Variants in ERBB4 observed in about 807,000 individuals in gnomAD.
ERBB4 encodes the protein receptor tyrosine-protein kinase erbB-4.
ERBB4 carries 42 observed loss-of-function variants against 158.0 expected under a neutral mutation model. The ratio of observed to expected loss-of-function variants is 0.27; its 90% CI spans 0.21 to 0.34. The LOEUF is 0.34. Ranked by LOEUF, ERBB4 falls within the 10% of genes least tolerant of loss-of-function variation. ERBB4 has a pLI of 1.00. For synonymous variants in ERBB4, 583 were observed against 558.7 expected (o/e 1.04, Z -0.61); for missense variants, 1,333 against 1,624.1 (o/e 0.82, Z 3.08).
chr2:212,225,248 T>C (rs1331147157), intron 1 of ERBB4, among the ~76,000 whole-genome samples: 2 of 152,076 alleles, frequency 1.3e-5, no homozygotes, highest in Non-Finnish European at 2.9e-5. Flanking sequence ...AAGTGAAAAA[T>C]TTAACTAACA....
intron 19 of ERBB4, among the ~76,000 whole-genome samples, chr2:211,582,697 C>T (rs1553577190): frequency 6.6e-6 from 1 of 152,020 alleles, no homozygotes; most frequent in Non-Finnish European, 1.5e-5. Flanking sequence ...GTATGAAAAA[C>T]CCACTCATAA....
rs112458191 is a variant in ERBB4 at position 212,329,258 on chromosome 2, T to C, written c.83-204355A>G. 5.3e-5 allele frequency among the ~76,000 whole-genome samples: 8 copies of C among 152,036 alleles called. 1 individual carries two copies. Among genetic ancestry groups the C allele is most frequent in the African/African-American group, 1.9e-4 (8 of 41,516 alleles). On this transcript the variant is annotated intron_variant, in intron 1 of 27. Coordinates refer to ENST00000342788, the MANE Select transcript of ERBB4 (RefSeq NM_005235.3). The stretch of plus-strand genomic sequence containing the variant: ...AGAGGAAGAAAAAAAAAACTAGGCC[T>C]CTTGCCTGAAGGACAGGATAATTCA...
At chr2:211,412,936 G>C (rs2063294013) in intron 25 of ERBB4, among the ~76,000 whole-genome samples, 1 of 136,580 alleles carries the variant, frequency 7.3e-6, no homozygotes, top group South Asian at 2.6e-4. Flanking sequence ...CCTGGCAACA[G>C]AGTGGGACTG....
chr2:211,780,503 G>A lies in ERBB4; in HGVS notation c.556+7522C>T, dbSNP rs547819973. ...TAGCAGGTGTATTGTGCTTGCTTCCGTAATGTTCTTAGTAAAACTTAATTC... is the reference window on the plus strand; with the variant it reads ...TAGCAGGTGTATTGTGCTTGCTTCCATAATGTTCTTAGTAAAACTTAATTC... On this transcript the variant is annotated intron_variant, in intron 4 of 27. Transcript: ENST00000342788. 5.3e-5 allele frequency among the ~76,000 whole-genome samples: 8 copies of A among 152,328 alleles called. No individual in the cohort carries two copies. In the South Asian group the frequency reaches 8.3e-4, roughly 16 times the overall value.
At chr2:211,908,392 G>A (rs1432242589) in intron 3 of ERBB4, among the ~76,000 whole-genome samples, 1 of 151,668 alleles carries the variant, frequency 6.6e-6, no homozygotes, top group Non-Finnish European at 1.5e-5. Flanking sequence ...GAACAATTAC[G>A]TAGATTTTCT....
intron 20 of ERBB4, among the ~76,000 whole-genome samples, chr2:211,440,274 C>T (rs2063944345): frequency 6.6e-6 from 1 of 152,132 alleles, no homozygotes; most frequent in South Asian, 2.1e-4. Flanking sequence ...AAGTGCATTA[C>T]TTCTACTCCT....
chr2:211,589,195 A>C (rs905226295), intron 19 of ERBB4, among the ~76,000 whole-genome samples: 1 of 152,160 alleles, frequency 6.6e-6, no homozygotes, highest in Non-Finnish European at 1.5e-5. Flanking sequence ...TAATATGAAC[A>C]AAATGTTCAT....
At chr2:211,479,608 T>C (rs2065034344) in intron 20 of ERBB4, among the ~76,000 whole-genome samples, 1 of 152,194 alleles carries the variant, frequency 6.6e-6, no homozygotes, top group African/African-American at 2.4e-5. Context: ...ATAGAGGACA[T>C]AATTATTCTA....
intron 1 of ERBB4, among the ~76,000 whole-genome samples, chr2:212,409,046 T>C (rs149303084): frequency 6.6e-6 from 1 of 152,326 alleles, no homozygotes; most frequent in Non-Finnish European, 1.5e-5. Flanking sequence ...CTAAATCATT[T>C]ATTCAAGAAC....
At chr2:211,503,480 A>G (rs1204346852) in intron 20 of ERBB4, among the ~76,000 whole-genome samples, 2 of 152,180 alleles carry the variant, frequency 1.3e-5, no homozygotes, top group East Asian at 3.9e-4. Context: ...AGCATACCCC[A>G]CATTGATCTG....
intron 1 of ERBB4, among the ~76,000 whole-genome samples, chr2:212,512,436 CCTAGCACAGAACCTGATACATGGCAGA>C (rs1454243378): frequency 1.3e-5 from 2 of 151,340 alleles, no homozygotes; most frequent in African/African-American, 4.9e-5. Context: ...TGCAAAAATA[CCTAGCACAGAACCTGATACATGGCAGA>C]ACCCAATAAA....
intron 20 of ERBB4, among the ~76,000 whole-genome samples, chr2:211,444,366 A>G (rs1574500476): frequency 6.6e-6 from 1 of 152,204 alleles, no homozygotes. Context: ...AGCTGTAAAT[A>G]TATAACTGTA....
intron 1 of ERBB4, among the ~76,000 whole-genome samples, chr2:212,172,967 G>A (rs2081564249): frequency 6.6e-6 from 1 of 152,014 alleles, no homozygotes; most frequent in Non-Finnish European, 1.5e-5. Context: ...CAATGGAAAT[G>A]TAAAAAATAG....
intron 13 of ERBB4, among the ~76,000 whole-genome samples, chr2:211,675,152 A>G (rs908628692): frequency 6.6e-6 from 1 of 152,058 alleles, no homozygotes; most frequent in South Asian, 2.1e-4. Flanking sequence ...TGCCAGAGTC[A>G]CCCTTTCACT....
chr2:211,464,982 CTTTTTTTTT>C (rs1176092000), intron 20 of ERBB4, among the ~76,000 whole-genome samples: 2 of 21,350 alleles, frequency 9.4e-5, no homozygotes, highest in Non-Finnish European at 4.3e-4. Flanking sequence ...TTTTTTTTTT[CTTTTTTTTT>C]TTTTTGAGGC....
At chr2:212,031,397 A>G (rs192180111) in intron 2 of ERBB4, among the ~76,000 whole-genome samples, 4 of 152,272 alleles carry the variant, frequency 2.6e-5, no homozygotes, top group African/African-American at 9.6e-5. Flanking sequence ...GAAATTAGAA[A>G]AGTGCCTGGC....
chr2:212,221,208 G>A (rs2083280403), intron 1 of ERBB4, among the ~76,000 whole-genome samples: 1 of 151,502 alleles, frequency 6.6e-6, no homozygotes, highest in Non-Finnish European at 1.5e-5. Context: ...CCACAGATCT[G>A]TAATGCAATT....
At chr2:212,247,284 A>G (rs914755718) in intron 1 of ERBB4, among the ~76,000 whole-genome samples, 2 of 152,168 alleles carry the variant, frequency 1.3e-5, no homozygotes, top group Admixed American at 6.6e-5. Flanking sequence ...ATTCTTCTGT[A>G]GAAAACATTT....
intron 1 of ERBB4, among the ~76,000 whole-genome samples, chr2:212,436,257 A>C (rs2092134816): frequency 6.6e-6 from 1 of 152,030 alleles, no homozygotes; most frequent in Non-Finnish European, 1.5e-5. Context: ...GAATCAATTC[A>C]TTTAGAAACC....
Sources: allele counts gnomAD v4.1 joint callset (sites outside exome capture counted in the v4.1 genomes callset), GRCh38; gene constraint gnomAD v4.1.1; transcripts MANE v1.5; gene names NCBI Gene and HGNC (gene_info 2026-07-23, HGNC 2026-07-21).